RTCA: variants seen among roughly 807,000 people sequenced by gnomAD.
RTCA encodes the protein RNA 3'-terminal phosphate cyclase, also known as RNA terminal phosphate cyclase domain 1.
A neutral mutation model predicts 46.1 loss-of-function variants in RTCA; 37 were observed. The ratio of observed to expected loss-of-function variants is 0.80; its 90% confidence interval spans 0.62 to 1.06. The LOEUF is 1.06. RTCA is among the 50% of genes least tolerant of loss of function. The pLI is 0.00. For synonymous variants in RTCA, 164 were observed against 158.3 expected, an observed-to-expected ratio of 1.04 and a Z score of -0.27; for missense variants, 435 against 455.5, an observed-to-expected ratio of 0.95 and a Z score of 0.41.
intron 7 of RTCA, 76 bp from the exon 8 acceptor site, chr1:100,277,182 T>C (rs1666439394): frequency 1.5e-6 from 2 of 1,344,262 alleles, no homozygotes; most frequent in African/African-American, 2.9e-5. Context: ...TTAATAGTCA[T>C]TGTTCTCTTT....
intron 3 of RTCA, among the ~76,000 whole-genome samples, chr1:100,269,885 G>A (rs1403515271): frequency 6.6e-6 from 1 of 151,974 alleles, no homozygotes; most frequent in African/African-American, 2.4e-5. Context: ...CCCTCCCTGT[G>A]CCCATGTGTT....
chr1:100,267,432 T>C, intron 2 of RTCA: 1 of 1,385,422 alleles, frequency 7.2e-7, no homozygotes, highest in South Asian at 1.7e-5. Context: ...ATTAGTTTGC[T>C]AGGGCTGCCA....
chr1:100,272,522 T>TA (rs924770136), intron 4 of RTCA, among the ~76,000 whole-genome samples: 16 of 150,916 alleles, frequency 1.1e-4, no homozygotes, highest in Non-Finnish European at 1.8e-4. Context: ...TTTCTGCCTT[T>TA]AAAAAAAAAC....
At chr1:100,266,758 G>A in intron 2 of RTCA, 134 bp downstream of exon 2, 1 of 709,720 alleles carries the variant, frequency 1.4e-6, no homozygotes, top group Non-Finnish European at 2.4e-6. Context: ...ATCCAGGGCG[G>A]GGCACTCTGC....
At position 100,286,352 on chromosome 1, in the gene RTCA, G is replaced by T. The variant is rs112879073; in HGVS notation, c.895-747G>T. Among the ~76,000 whole-genome samples, 1,410 of 151,300 alleles carry T rather than the reference G, an allele frequency of 9.3e-3. 18 individuals are homozygous for T. Among genetic ancestry groups the T allele is most frequent in the South Asian group, 0.032 (152 of 4,794 alleles). On this transcript the variant is annotated intron_variant, in intron 9 of 10. Transcript: ENST00000370128. ...GCCTGTAGTCGTAGCTACTCGGGAG[G>T]CTGAGGCAGGAGAAAGGCGTGAACC...
At chr1:100,277,156 A>T (rs1666437213) in intron 7 of RTCA, 102 bp from the exon 8 acceptor site, 6 of 1,097,856 alleles carry the variant, frequency 5.5e-6, no homozygotes, top group Non-Finnish European at 8.3e-6. Context: ...TGTTGCCCAG[A>T]TTTAGTTCTG....
rs1330310669 is a variant in RTCA at position 100,266,419 on chromosome 1, G to C, written c.44G>C (p.Gly15Ala). The C allele has an allele frequency of 6.2e-7, 1 of 1,612,808 alleles. No individual in the cohort carries two copies. Among genetic ancestry groups the C allele is most frequent in the East Asian group, 2.2e-5 (1 of 44,820 alleles). The change falls in exon 1 of 11, where the codon GGG becomes GCG. Residue 15 changes from glycine (G) to alanine (A), a missense_variant and splice_region_variant. By Grantham distance (60) the Gly-to-Ala change is moderately conservative. Transcript: ENST00000370128. Reference protein sequence around the residue: ...RVEVDGSIMEGGGQILRVSTA... With the variant: ...RVEVDGSIMEAGGQILRVSTA... ...GAGGTCGATGGCAGCATCATGGAAG[G>C]GGTGAGTACAGAGCGAAGCGGCCGG...
intron 8 of RTCA, 40 bp downstream of exon 8, chr1:100,277,356 T>C: frequency 6.6e-7 from 1 of 1,520,678 alleles, no homozygotes; most frequent in Non-Finnish European, 8.9e-7. Flanking sequence ...CCAATGCTAC[T>C]GCAGAATTCT....
At chr1:100,285,206 T>A (rs759669807) in intron 8 of RTCA, 22 bp from the exon 9 acceptor site, 1 of 1,466,968 alleles carries the variant, frequency 6.8e-7, no homozygotes, top group East Asian at 2.3e-5. Flanking sequence ...TTGTTTTGTT[T>A]TAATGTTGTG....
intron 8 of RTCA, among the ~76,000 whole-genome samples, chr1:100,284,343 A>G (rs1193381276): frequency 6.6e-6 from 1 of 151,834 alleles, no homozygotes. Flanking sequence ...TGATAATGTT[A>G]TATGCTCTTT....
chr1:100,269,330 A>G (rs2100789592), intron 3 of RTCA, among the ~76,000 whole-genome samples: 1 of 151,558 alleles, frequency 6.6e-6, no homozygotes, highest in East Asian at 1.9e-4. Context: ...TTACTTCACT[A>G]AAACTTCCCA....
chr1:100,273,531 GTCTT>G, intron 5 of RTCA, 79 bp downstream of exon 5: 6 of 812,886 alleles, frequency 7.4e-6, no homozygotes, highest in Non-Finnish European at 1.1e-5. Context: ...TTAGAGAACT[GTCTT>G]TCTGGTACCC....
In RTCA at chr1:100,266,520, G is replaced by C. The variant is rs765242353; in HGVS notation, c.46-4G>C. On this transcript the variant is annotated splice_polypyrimidine_tract_variant and splice_region_variant and intron_variant, in intron 1 of 10. Transcript: ENST00000370128. ...CTCTTCTCCCTGTACCCCAACCTTT[G>C]CAGGGCGGCCAGATCCTGAGAGTCT... 5 of 1,612,864 alleles carry C rather than the reference G, an allele frequency of 3.1e-6. No individual in the cohort carries two copies. In the South Asian group the frequency reaches 5.5e-5, roughly 18 times the overall value.
chr1:100,267,352 C>A, intron 2 of RTCA: 1 of 825,926 alleles, frequency 1.2e-6, no homozygotes, highest in Non-Finnish European at 1.7e-6. Flanking sequence ...ATGTTAATTG[C>A]CTTTGTCATA....
intron 7 of RTCA, among the ~76,000 whole-genome samples, chr1:100,276,162 A>T (rs577360963): frequency 2.6e-5 from 4 of 152,190 alleles, no homozygotes; most frequent in African/African-American, 9.6e-5. Context: ...GGACATTCCT[A>T]CCTAAAACAC....
chr1:100,268,038 C>G (rs1005547878), intron 2 of RTCA, 114 bp from the exon 3 acceptor site: 1 of 1,448,940 alleles, frequency 6.9e-7, no homozygotes, highest in East Asian at 2.3e-5. Flanking sequence ...GTGGCACTTA[C>G]TGTGGTTAGA....
intron 2 of RTCA, chr1:100,266,839 C>G: frequency 1.8e-6 from 1 of 552,788 alleles, no homozygotes; most frequent in South Asian, 2.4e-5. Context: ...CTCGAGTTTT[C>G]TCTGTTTGAC....
intron 2 of RTCA, chr1:100,267,388 A>C: frequency 1.7e-6 from 2 of 1,192,130 alleles, no homozygotes; most frequent in African/African-American, 3.1e-5. Flanking sequence ...GTTCACCAAC[A>C]GGGGAATCCA....
intron 8 of RTCA, among the ~76,000 whole-genome samples, chr1:100,278,704 C>G (rs1044172126): frequency 1.3e-5 from 2 of 152,208 alleles, no homozygotes; most frequent in African/African-American, 4.8e-5. Context: ...TCAGTTTGCT[C>G]AGTTGGTAAA....
Sources: allele counts gnomAD v4.1 joint callset (sites outside exome capture counted in the v4.1 genomes callset), GRCh38; gene constraint gnomAD v4.1.1; transcripts MANE v1.5; gene names NCBI Gene and HGNC (gene_info 2026-07-23, HGNC 2026-07-21).